CEP57L1: variants seen among roughly 807,000 people sequenced by gnomAD.
The protein encoded by CEP57L1 is centrosomal protein CEP57L1.
A neutral mutation model predicts 61.0 loss-of-function variants in CEP57L1; 37 were observed. The observed-to-expected ratio is 0.61, with a 90% CI of 0.47 to 0.80. The LOEUF (loss-of-function observed/expected upper bound fraction) is 0.80. Ranked by LOEUF, CEP57L1 falls within the 30% of genes least tolerant of loss-of-function variation. The pLI is 0.00. For missense variants in CEP57L1, 422 were observed against 524.7 expected (o/e 0.80, Z 1.91); for synonymous variants, 137 against 162.3 (o/e 0.84, Z 1.19).
rs115583460 is a variant in CEP57L1 at position 109,118,647 on chromosome 6, C to T, written c.-4+23072C>T. ...CGAATAAGAATTGGAATTATGACTT[C>T]TGAGCTCTCAATACCAAGGAAAGCA... On this transcript the variant is annotated intron_variant, in intron 1 of 10. Coordinates refer to ENST00000517392, the MANE Select transcript of CEP57L1 (RefSeq NM_001271852.3). Among the ~76,000 whole-genome samples the T allele has an allele frequency of 8.3e-3, 1,263 of 152,306 alleles. 24 individuals are homozygous for T. Among genetic ancestry groups the T allele is most frequent in the African/African-American group, 0.029 (1,212 of 41,556 alleles).
chr6:109,136,414 G>A lies in CEP57L1; in HGVS notation c.-3-8805G>A, dbSNP rs562581125. 5.9e-5 allele frequency among the ~76,000 whole-genome samples: 9 copies of A among 152,324 alleles called. 1 individual carries two copies. Among genetic ancestry groups the A allele is most frequent in the Admixed American group, 5.9e-4 (9 of 15,298 alleles). ...GGAACATCACACACCGGGGCCTGTTGTAGGGTGTGGGTAGAGGGGAGCGAT... is the reference window on the plus strand; with the variant it reads ...GGAACATCACACACCGGGGCCTGTTATAGGGTGTGGGTAGAGGGGAGCGAT... On this transcript the variant is annotated intron_variant, in intron 1 of 10. Coordinates refer to ENST00000517392, the MANE Select transcript of CEP57L1 (RefSeq NM_001271852.3).
intron 1 of CEP57L1, among the ~76,000 whole-genome samples, chr6:109,120,003 A>T (rs897844810): frequency 2.0e-5 from 3 of 152,178 alleles, no homozygotes; most frequent in African/African-American, 4.8e-5. Flanking sequence ...CCAAAATATA[A>T]AGATTTCTGG....
Position 109,115,496 on chromosome 6 carries a change from T to C in CEP57L1, c.-4+19921T>C, listed in dbSNP as rs575420242. ...TAAGCTGGCATCTATGTGCTATCAG[T>C]AGTTTTATTAGTTGGCCCACCCATT... On this transcript the variant is annotated intron_variant, in intron 1 of 10. Coordinates refer to ENST00000517392, the MANE Select transcript of CEP57L1 (RefSeq NM_001271852.3). Among the ~76,000 whole-genome samples, 10 of 152,336 alleles carry C rather than the reference T, an allele frequency of 6.6e-5. No individual in the cohort carries two copies. The South Asian group carries it at 2.1e-3, about 32-fold the overall frequency.
intron 7 of CEP57L1, 142 bp from the exon 8 acceptor site, chr6:109,158,883 G>GTC (rs561222624): frequency 1.1e-5 from 8 of 719,508 alleles, no homozygotes; most frequent in African/African-American, 9.0e-5. Context: ...TCATACGTAT[G>GTC]TCTATGTCAG....
intron 1 of CEP57L1, among the ~76,000 whole-genome samples, chr6:109,136,125 T>C (rs1038981121): frequency 3.3e-5 from 5 of 152,222 alleles, no homozygotes; most frequent in Non-Finnish European, 4.4e-5. Context: ...CGTATGTTTA[T>C]TGCGGCACTA....
intron 1 of CEP57L1, among the ~76,000 whole-genome samples, chr6:109,135,442 A>G (rs1268838534): frequency 1.3e-5 from 2 of 152,212 alleles, no homozygotes; most frequent in African/African-American, 2.4e-5. Flanking sequence ...TAAATGTTAG[A>G]CCTAAAACCA....
intron 1 of CEP57L1, among the ~76,000 whole-genome samples, chr6:109,103,260 C>T (rs1458296921): frequency 6.6e-6 from 1 of 152,076 alleles, no homozygotes; most frequent in East Asian, 1.9e-4. Context: ...GCAGTTTTGC[C>T]TCTAAATGCT....
At chr6:109,130,964 C>T (rs1227279513) in intron 1 of CEP57L1, 1 of 152,140 alleles carries the variant, frequency 6.6e-6, no homozygotes, top group Non-Finnish European at 1.5e-5. Context: ...ATATCCTGCT[C>T]CTCATTAAAC....
chr6:109,125,801 A>G (rs1179383699), intron 1 of CEP57L1, among the ~76,000 whole-genome samples: 1 of 152,002 alleles, frequency 6.6e-6, no homozygotes, highest in Non-Finnish European at 1.5e-5. Flanking sequence ...CCTTATAAAT[A>G]TAATAAACAT....
chr6:109,136,672 A>G (rs1000189311), intron 1 of CEP57L1, among the ~76,000 whole-genome samples: 14 of 151,362 alleles, frequency 9.2e-5, no homozygotes, highest in Non-Finnish European at 1.3e-4. Flanking sequence ...TTCAGTTTGA[A>G]CCAAAGAAGT....
In CEP57L1 at chr6:109,165,040, T is replaced by G. The variant is rs960704048; in HGVS notation, c.*2070T>G. Among the ~76,000 whole-genome samples, 1 of 149,636 alleles carries G rather than the reference T, an allele frequency of 6.7e-6. No individual in the cohort carries two copies. The highest frequency in any genetic ancestry group is 2.5e-5 in the African/African-American group (1 of 40,402). The stretch of plus-strand genomic sequence containing the variant: ...TTGCAGTGAGCTGAGATCTCACCAC[T>G]GTACTCCAGCCTGGTGACACAGCAA... On this transcript the variant is annotated 3_prime_UTR_variant, in exon 11 of 11. Coordinates refer to ENST00000517392, the MANE Select transcript of CEP57L1 (RefSeq NM_001271852.3).
At chr6:109,150,706 A>G (rs1772519610) in intron 4 of CEP57L1, among the ~76,000 whole-genome samples, 1 of 151,990 alleles carries the variant, frequency 6.6e-6, no homozygotes, top group Non-Finnish European at 1.5e-5. Context: ...CCAGAAAAAA[A>G]AAATTACACT....
At chr6:109,116,137 A>ATTTTATG (rs1562512218) in intron 1 of CEP57L1, among the ~76,000 whole-genome samples, 4 of 114,036 alleles carry the variant, frequency 3.5e-5, no homozygotes, top group African/African-American at 1.5e-4. Context: ...GTGTTATGTT[A>ATTTTATG]TGTTATGTTA....
At position 109,170,615 on chromosome 6, in the gene CEP57L1, G is replaced by A. The variant is rs1394103374; in HGVS notation, c.*7645G>A. On this transcript the variant is annotated 3_prime_UTR_variant, in exon 11 of 11. Transcript: ENST00000517392. The stretch of plus-strand genomic sequence containing the variant: ...TGTAGATCCGTTTAACTTTACAAAT[G>A]TGTTATTTAAAACATAAACCATTTT... 6.6e-6 allele frequency among the ~76,000 whole-genome samples: 1 copy of A among 152,112 alleles called. No individual in the cohort carries two copies. Among genetic ancestry groups the A allele is most frequent in the African/African-American group, 2.4e-5 (1 of 41,418 alleles).
intron 1 of CEP57L1, among the ~76,000 whole-genome samples, chr6:109,121,392 A>G (rs977768335): frequency 5.3e-5 from 8 of 152,230 alleles, no homozygotes; most frequent in African/African-American, 7.2e-5. Context: ...TTGAATTAAG[A>G]AAAGACTGCT....
At position 109,171,533 on chromosome 6, in the gene CEP57L1, C is replaced by A. The variant is rs571737573; in HGVS notation, c.*8563C>A. 2.0e-4 allele frequency among the ~76,000 whole-genome samples: 31 copies of A among 152,160 alleles called. 1 individual carries two copies. The highest frequency in any genetic ancestry group is 7.2e-4 in the African/African-American group (30 of 41,538). On this transcript the variant is annotated 3_prime_UTR_variant, in exon 11 of 11. Coordinates refer to ENST00000517392, the MANE Select transcript of CEP57L1 (RefSeq NM_001271852.3). ...GTGCTGGGATTACAGGTGTGAGCCACCGCGCCCTGCCTAGAGTTTGATTCT... is the reference window on the plus strand; with the variant it reads ...GTGCTGGGATTACAGGTGTGAGCCAACGCGCCCTGCCTAGAGTTTGATTCT...
At chr6:109,106,869 G>A (rs1339107466) in intron 1 of CEP57L1, among the ~76,000 whole-genome samples, 2 of 152,246 alleles carry the variant, frequency 1.3e-5, no homozygotes, top group East Asian at 1.9e-4. Flanking sequence ...GAACTCAGGA[G>A]GTAAAGGTTG....
intron 1 of CEP57L1, among the ~76,000 whole-genome samples, chr6:109,126,422 A>G (rs961093307): frequency 1.3e-5 from 2 of 152,226 alleles, no homozygotes; most frequent in African/African-American, 4.8e-5. Flanking sequence ...AGGTAGAAGT[A>G]AGAACATGAA....
chr6:109,145,842 A>G (rs1583590770), intron 2 of CEP57L1, among the ~76,000 whole-genome samples: 2 of 152,092 alleles, frequency 1.3e-5, no homozygotes, highest in South Asian at 2.1e-4. Context: ...TAAAATAGAA[A>G]TGTAGGAGGA....
Sources: gnomAD v4.1 joint callset for allele counts (sites outside exome capture counted in the v4.1 genomes callset) on GRCh38, gnomAD v4.1.1 for gene constraint, MANE v1.5 for transcripts, NCBI Gene and HGNC (gene_info 2026-07-23, HGNC 2026-07-21) for gene names.